Variants in GRID1 observed in about 807,000 individuals in gnomAD.
The protein encoded by GRID1 is glutamate ionotropic receptor delta type subunit 1, also known as glutamate receptor ionotropic, delta-1.
Under a neutral mutation model 98.0 loss-of-function variants are expected in GRID1, and 28 were observed. The ratio of observed to expected loss-of-function variants is 0.29; its 90% CI spans 0.21 to 0.39. GRID1 has a LOEUF of 0.39. GRID1 is among the 10% of genes least tolerant of loss of function. GRID1 has a pLI of 1.00. For missense variants in GRID1, 1,111 were observed against 1,340.5 expected (o/e 0.83, Z 2.67); for synonymous variants, 553 against 538.5 (o/e 1.03, Z -0.37).
chr10:86,311,274 G>C (rs1053128769), intron 2 of GRID1, among the ~76,000 whole-genome samples: 1 of 152,134 alleles, frequency 6.6e-6, no homozygotes, highest in African/African-American at 2.4e-5. Context: ...ACTGTCAGAC[G>C]TGAAAGGCCA....
intron 4 of GRID1, among the ~76,000 whole-genome samples, chr10:85,993,228 G>A (rs933512660): frequency 1.3e-4 from 20 of 152,164 alleles, no homozygotes; most frequent in Non-Finnish European, 2.9e-4. Context: ...GGGGAGGGAT[G>A]TGGGAGAGGA....
chr10:85,657,461 C>T lies in GRID1; in HGVS notation c.1998-10064G>A, dbSNP rs527920372. 9.2e-5 allele frequency among the ~76,000 whole-genome samples: 14 copies of T among 152,288 alleles called. No homozygotes were observed. The South Asian group carries it at 2.9e-3, about 32-fold the overall frequency. On this transcript the variant is annotated intron_variant, in intron 12 of 15. Transcript: ENST00000327946. ...GACCCCTACCTACAATAGTGACCAG[C>T]TCATGGTAGACACTCTAATGAACAT...
At chr10:85,988,247 T>A (rs1842636587) in intron 4 of GRID1, among the ~76,000 whole-genome samples, 1 of 152,116 alleles carries the variant, frequency 6.6e-6, no homozygotes, top group African/African-American at 2.4e-5. Flanking sequence ...TGAGACCCAA[T>A]CATTGATTAA....
intron 8 of GRID1, among the ~76,000 whole-genome samples, chr10:85,801,356 G>A (rs771708717): frequency 1.4e-4 from 22 of 151,754 alleles, no homozygotes; most frequent in South Asian, 6.2e-4. Context: ...ACTGTAACTC[G>A]TCTTATAAAT....
chr10:85,622,383 AAGTTCATC>A (rs1842867190), intron 13 of GRID1, among the ~76,000 whole-genome samples: 1 of 152,306 alleles, frequency 6.6e-6, no homozygotes, highest in East Asian at 1.9e-4. Context: ...AACAGGGACT[AAGTTCATC>A]ATTATATTTA....
At chr10:85,629,542 G>A (rs1842951551) in intron 13 of GRID1, among the ~76,000 whole-genome samples, 1 of 152,110 alleles carries the variant, frequency 6.6e-6, no homozygotes, top group Non-Finnish European at 1.5e-5. Context: ...TTCCATCCAC[G>A]ATACTGCAAA....
At chr10:86,345,579 C>T (rs146619561) in intron 2 of GRID1, among the ~76,000 whole-genome samples, 11 of 152,288 alleles carry the variant, frequency 7.2e-5, no homozygotes, top group African/African-American at 2.6e-4. Context: ...CCTCAGGGAG[C>T]GGCCCTGAAT....
intron 4 of GRID1, among the ~76,000 whole-genome samples, chr10:86,074,715 A>G (rs1843856306): frequency 6.6e-6 from 1 of 152,206 alleles, no homozygotes; most frequent in African/African-American, 2.4e-5. Context: ...AGAACTCAGC[A>G]GTGCTCCCAC....
intron 2 of GRID1, among the ~76,000 whole-genome samples, chr10:86,282,193 A>G (rs1010195664): frequency 6.6e-6 from 1 of 152,176 alleles, no homozygotes; most frequent in African/African-American, 2.4e-5. Flanking sequence ...TGCAAATCCT[A>G]GCATACAGCA....
At chr10:86,218,983 A>C (rs1381560404) in intron 2 of GRID1, among the ~76,000 whole-genome samples, 2 of 152,190 alleles carry the variant, frequency 1.3e-5, no homozygotes, top group Non-Finnish European at 2.9e-5. Flanking sequence ...GCACAGCCCG[A>C]GACAGCTGTG....
intron 4 of GRID1, among the ~76,000 whole-genome samples, chr10:86,108,205 G>A (rs1844422541): frequency 6.6e-6 from 1 of 152,146 alleles, no homozygotes; most frequent in East Asian, 1.9e-4. Context: ...GAGCAGCGGG[G>A]CACTGAAGAA....
At chr10:85,928,931 T>C (rs1005246883) in intron 4 of GRID1, among the ~76,000 whole-genome samples, 8 of 152,184 alleles carry the variant, frequency 5.3e-5, no homozygotes, top group Non-Finnish European at 8.8e-5. Context: ...CAGGGAAATA[T>C]ATGTGAAGAG....
intron 8 of GRID1, among the ~76,000 whole-genome samples, chr10:85,793,032 T>C (rs1345574692): frequency 6.6e-6 from 1 of 152,172 alleles, no homozygotes; most frequent in Non-Finnish European, 1.5e-5. Flanking sequence ...TTTTTCATGA[T>C]ACAACTTCTG....
At chr10:85,988,471 G>A (rs1195859070) in intron 4 of GRID1, among the ~76,000 whole-genome samples, 1 of 152,212 alleles carries the variant, frequency 6.6e-6, no homozygotes, top group Non-Finnish European at 1.5e-5. Flanking sequence ...TTTACAAGAA[G>A]AGAAGTAACA....
At chr10:86,348,260 G>A (rs1433759752) in intron 2 of GRID1, among the ~76,000 whole-genome samples, 1 of 152,218 alleles carries the variant, frequency 6.6e-6, no homozygotes, top group Non-Finnish European at 1.5e-5. Flanking sequence ...AGTTCATGGT[G>A]CTGGTGCTCA....
intron 14 of GRID1, among the ~76,000 whole-genome samples, chr10:85,617,225 G>GCCCC (rs57386595): frequency 7.5e-6 from 1 of 133,798 alleles, no homozygotes; most frequent in African/African-American, 2.8e-5. Flanking sequence ...ATACAACAAA[G>GCCCC]CCCCCCCCCC....
At chr10:86,045,284 G>A (rs745868637) in intron 4 of GRID1, among the ~76,000 whole-genome samples, 8 of 152,102 alleles carry the variant, frequency 5.3e-5, no homozygotes, top group Non-Finnish European at 1.0e-4. Flanking sequence ...ACTCTGCTTC[G>A]GAAATCTTCA....
chr10:85,892,442 TAGA>T (rs1464077978), intron 5 of GRID1, among the ~76,000 whole-genome samples: 2 of 151,330 alleles, frequency 1.3e-5, no homozygotes, highest in East Asian at 3.9e-4. Context: ...TAAAAGCAGC[TAGA>T]AGAAGAAGAT....
At chr10:86,232,519 C>T (rs1846473017) in intron 2 of GRID1, among the ~76,000 whole-genome samples, 1 of 152,200 alleles carries the variant, frequency 6.6e-6, no homozygotes, top group South Asian at 2.1e-4. Flanking sequence ...TGAACCTACC[C>T]CCACCACCAC....
Sources: allele counts gnomAD v4.1 joint callset (sites outside exome capture counted in the v4.1 genomes callset), GRCh38; gene constraint gnomAD v4.1.1; transcripts MANE v1.5; gene names NCBI Gene and HGNC (gene_info 2026-07-23, HGNC 2026-07-21).